The following ZBTB20 variants were observed in gnomAD, a reference collection of about 807,000 sequenced individuals.
The protein encoded by ZBTB20 is zinc finger and BTB domain containing 20.
Under a neutral mutation model 56.9 loss-of-function variants are expected in ZBTB20, and 9 were observed. The observed-to-expected ratio is 0.16, with a 90% CI of 0.10 to 0.28. The LOEUF (loss-of-function observed/expected upper bound fraction) is 0.28. ZBTB20 is among the 10% of genes least tolerant of loss of function. The pLI is 1.00. For missense variants in ZBTB20, 655 were observed against 1,003.0 expected (o/e 0.65, Z 4.69); for synonymous variants, 417 against 420.7 (o/e 0.99, Z 0.11).
chr3:114,917,610 G>C lies in ZBTB20; in HGVS notation c.-455-17268C>G, dbSNP rs189906915. Among the ~76,000 whole-genome samples the C allele has an allele frequency of 1.2e-3, 190 of 152,274 alleles. 1 individual carries two copies. In the Middle Eastern group the frequency reaches 0.02, roughly 16 times the overall value. ...GCACTCCAGGGTCAGTTACACTGAGGCTCTTACAGACTCATAGAATTACCA... is the reference window on the plus strand; with the variant it reads ...GCACTCCAGGGTCAGTTACACTGAGCCTCTTACAGACTCATAGAATTACCA... On this transcript the variant is annotated intron_variant, in intron 3 of 11. Transcript: ENST00000675478.
intron 6 of ZBTB20, among the ~76,000 whole-genome samples, chr3:114,639,396 CACAA>C (rs1342681829): frequency 1.3e-5 from 2 of 151,922 alleles, no homozygotes; most frequent in Non-Finnish European, 1.5e-5. Context: ...TCAGAGGCTC[CACAA>C]ACAAAGGGCT....
rs902428666 is a variant in ZBTB20 at position 114,326,149 on chromosome 3, T to G, written c.*12856A>C. On this transcript the variant is annotated 3_prime_UTR_variant, in exon 12 of 12. Coordinates refer to ENST00000675478, the MANE Select transcript of ZBTB20 (RefSeq NM_001348800.3). ...CAACAGATCAATTGATTTTGGCATT[T>G]CGGCAGCACCCCTTCCTTTTCTTTC... 7.2e-5 allele frequency: 11 copies of G among 152,206 alleles called. No homozygotes were observed. The highest frequency in any genetic ancestry group is 2.1e-4 in the South Asian group (1 of 4,830). 9.4% of individuals were successfully genotyped at this position (152,206 alleles called of 1,614,324 possible). A position where few individuals can be genotyped will look rare whatever the true frequency, so the allele number is the denominator to read the frequency against.
At chr3:114,387,954 T>A (rs1162785666) in intron 8 of ZBTB20, 1 of 152,224 alleles carries the variant, frequency 6.6e-6, no homozygotes, top group Non-Finnish European at 1.5e-5. Context: ...ACTGGAAGCA[T>A]TAAAGGTAAA....
intron 1 of ZBTB20, among the ~76,000 whole-genome samples, chr3:115,073,370 T>C (rs2082480316): frequency 6.6e-6 from 1 of 152,228 alleles, no homozygotes; most frequent in African/African-American, 2.4e-5. Flanking sequence ...TAATATACGA[T>C]GTTTTACAGA....
intron 5 of ZBTB20, among the ~76,000 whole-genome samples, chr3:114,770,844 TA>T (rs749933693): frequency 7.9e-5 from 12 of 152,218 alleles, no homozygotes; most frequent in Non-Finnish European, 1.5e-4. Flanking sequence ...ATTATATACT[TA>T]CCAGTTGAGT....
At chr3:114,948,646 T>C (rs1312096075) in intron 3 of ZBTB20, among the ~76,000 whole-genome samples, 2 of 145,590 alleles carry the variant, frequency 1.4e-5, no homozygotes, top group African/African-American at 2.8e-5. Context: ...CATAGATAGA[T>C]AGATAGATAG....
At chr3:114,740,675 CTG>C (rs2066507922) in intron 5 of ZBTB20, among the ~76,000 whole-genome samples, 1 of 152,136 alleles carries the variant, frequency 6.6e-6, no homozygotes, top group African/African-American at 2.4e-5. Flanking sequence ...TGTCATTATT[CTG>C]TGTTTATATA....
chr3:114,625,974 G>A (rs2058639612), intron 6 of ZBTB20, among the ~76,000 whole-genome samples: 1 of 152,128 alleles, frequency 6.6e-6, no homozygotes, highest in South Asian at 2.1e-4. Context: ...GATGCCAGGT[G>A]GAGACTGATA....
chr3:115,039,254 A>G (rs1246525326), intron 2 of ZBTB20, among the ~76,000 whole-genome samples: 2 of 152,080 alleles, frequency 1.3e-5, no homozygotes, highest in African/African-American at 4.8e-5. Context: ...AGGGTGAAAG[A>G]CTAGAATCAT....
At chr3:114,535,486 G>A (rs1255755610) in intron 6 of ZBTB20, among the ~76,000 whole-genome samples, 1 of 152,132 alleles carries the variant, frequency 6.6e-6, no homozygotes, top group Non-Finnish European at 1.5e-5. Context: ...TTCTGAAATT[G>A]AGGCAGTAGT....
intron 2 of ZBTB20, among the ~76,000 whole-genome samples, chr3:114,992,554 T>A (rs746501961): frequency 6.6e-6 from 1 of 151,908 alleles, no homozygotes. Context: ...AAGGTGGGGC[T>A]GAACTCTTGG....
At chr3:115,044,417 T>A (rs916041003) in intron 2 of ZBTB20, among the ~76,000 whole-genome samples, 2 of 152,180 alleles carry the variant, frequency 1.3e-5, no homozygotes, top group Non-Finnish European at 2.9e-5. Flanking sequence ...AGACCTCCAA[T>A]GAGAAGGCAA....
intron 4 of ZBTB20, among the ~76,000 whole-genome samples, chr3:114,828,121 T>C (rs1281828638): frequency 6.6e-6 from 1 of 151,794 alleles, no homozygotes; most frequent in South Asian, 2.1e-4. Flanking sequence ...TATATACCTA[T>C]TGGAAGAATT....
intron 1 of ZBTB20, chr3:115,102,716 C>A (rs1180298257): frequency 6.6e-6 from 1 of 152,038 alleles, no homozygotes; most frequent in African/African-American, 2.4e-5. Context: ...ACACCGTAAT[C>A]CCAGCACTTT....
chr3:115,031,443 G>A (rs1245703349), intron 2 of ZBTB20, among the ~76,000 whole-genome samples: 1 of 151,456 alleles, frequency 6.6e-6, no homozygotes, highest in Admixed American at 6.6e-5. Flanking sequence ...CCAAATTACA[G>A]AATTCTATTT....
At chr3:114,787,106 C>G (rs1472670609) in intron 5 of ZBTB20, among the ~76,000 whole-genome samples, 1 of 151,872 alleles carries the variant, frequency 6.6e-6, no homozygotes, top group Non-Finnish European at 1.5e-5. Context: ...TCCCAAGTAG[C>G]TGGAACCACA....
At chr3:114,589,028 C>T (rs909979795) in intron 6 of ZBTB20, among the ~76,000 whole-genome samples, 16 of 152,126 alleles carry the variant, frequency 1.1e-4, no homozygotes, top group Non-Finnish European at 2.1e-4. Context: ...TGAGAACTCA[C>T]TCACCATCAC....
intron 6 of ZBTB20, among the ~76,000 whole-genome samples, chr3:114,653,778 A>G (rs1186208759): frequency 6.6e-6 from 1 of 151,926 alleles, no homozygotes. Flanking sequence ...AATGCTTTTG[A>G]CGACAAATTC....
intron 6 of ZBTB20, among the ~76,000 whole-genome samples, chr3:114,547,893 T>C (rs974202816): frequency 4.6e-5 from 7 of 152,260 alleles, no homozygotes; most frequent in African/African-American, 1.4e-4. Context: ...ATTAATTTTC[T>C]ATTATTTGTA....
Sources: allele counts gnomAD v4.1 joint callset (sites outside exome capture counted in the v4.1 genomes callset), GRCh38; gene constraint gnomAD v4.1.1; transcripts MANE v1.5; gene names NCBI Gene and HGNC (gene_info 2026-07-23, HGNC 2026-07-21).